Variants in SDHAF3 observed in about 807,000 individuals in gnomAD.
The protein encoded by SDHAF3 is succinate dehydrogenase complex assembly factor 3.
In SDHAF3, 18 loss-of-function variants were observed where a neutral mutation model predicts 11.5. The observed-to-expected ratio is 1.56, with a 90% confidence interval of 1.08 to 2.32. SDHAF3 has a LOEUF of 2.32. Among genes scored for constraint, SDHAF3 ranks in the 30% most tolerant of loss-of-function variants. SDHAF3 has a pLI of 0.00. For synonymous variants in SDHAF3, 72 were observed against 59.3 expected (o/e 1.21, Z -0.99); for missense variants, 200 against 154.4 (o/e 1.30, Z -1.57).
chr7:97,136,732 A>T (rs551505915), intron 1 of SDHAF3, among the ~76,000 whole-genome samples: 1 of 152,302 alleles, frequency 6.6e-6, no homozygotes, highest in East Asian at 1.9e-4. Flanking sequence ...GTCTGTAGTT[A>T]AAAAAGTAGA....
intron 1 of SDHAF3, among the ~76,000 whole-genome samples, chr7:97,120,827 C>A (rs1791480159): frequency 6.6e-6 from 1 of 152,118 alleles, no homozygotes; most frequent in Non-Finnish European, 1.5e-5. Context: ...ATCAAGAACA[C>A]TAGAGGCCCC....
intron 1 of SDHAF3, among the ~76,000 whole-genome samples, chr7:97,174,006 G>C (rs113918352): frequency 6.6e-6 from 1 of 151,242 alleles, no homozygotes; most frequent in South Asian, 2.1e-4. Flanking sequence ...TGCAACCTCC[G>C]ACTCCTGGTT....
At chr7:97,143,778 G>A (rs1378316631) in intron 1 of SDHAF3, among the ~76,000 whole-genome samples, 1 of 151,858 alleles carries the variant, frequency 6.6e-6, no homozygotes. Flanking sequence ...GAATTGTGCT[G>A]CTATAAACAT....
intron 1 of SDHAF3, among the ~76,000 whole-genome samples, chr7:97,172,181 T>A (rs1789610392): frequency 6.6e-6 from 1 of 152,212 alleles, no homozygotes; most frequent in South Asian, 2.1e-4. Context: ...CATATTCAAA[T>A]AGCATATATC....
At position 97,158,979 on chromosome 7, in the gene SDHAF3, A is replaced by G. The variant is rs151172746; in HGVS notation, c.175-22033A>G. Among the ~76,000 whole-genome samples the G allele has an allele frequency of 1.2e-3, 190 of 152,332 alleles. 1 individual carries two copies. The highest frequency in any genetic ancestry group is 3.2e-3 in the Admixed American group (49 of 15,300). On this transcript the variant is annotated intron_variant, in intron 1 of 1. Transcript: ENST00000432641. Reference sequence around the variant, plus strand: ...TTTTCTGTTTACTGTTAGCAATTCAATGGTATAAGGAAAGTATACTTGCTG... The same window carrying G: ...TTTTCTGTTTACTGTTAGCAATTCAGTGGTATAAGGAAAGTATACTTGCTG...
intron 1 of SDHAF3, among the ~76,000 whole-genome samples, chr7:97,128,883 T>A (rs1332792807): frequency 6.6e-6 from 1 of 152,118 alleles, no homozygotes; most frequent in East Asian, 1.9e-4. Flanking sequence ...ACTTTTTTTT[T>A]CCTTTGAGAT....
At chr7:97,152,775 G>T (rs1789244973) in intron 1 of SDHAF3, among the ~76,000 whole-genome samples, 2 of 152,182 alleles carry the variant, frequency 1.3e-5, no homozygotes. Context: ...TCAGCCTCCT[G>T]AGTAGCTGGG....
At chr7:97,131,666 A>G (rs1791672830) in intron 1 of SDHAF3, among the ~76,000 whole-genome samples, 1 of 152,226 alleles carries the variant, frequency 6.6e-6, no homozygotes, top group South Asian at 2.1e-4. Flanking sequence ...TGGTTAAATT[A>G]TAAAGACAAA....
chr7:97,177,257 C>T (rs1434860538), intron 1 of SDHAF3, among the ~76,000 whole-genome samples: 2 of 151,986 alleles, frequency 1.3e-5, no homozygotes, highest in Non-Finnish European at 2.9e-5. Flanking sequence ...AATCCCAGCA[C>T]TTTGGGAGGC....
intron 1 of SDHAF3, among the ~76,000 whole-genome samples, chr7:97,160,062 C>T (rs1265146021): frequency 2.0e-5 from 3 of 152,028 alleles, no homozygotes; most frequent in Admixed American, 2.0e-4. Context: ...AGCGCCTCTG[C>T]CCGGCTGCCC....
chr7:97,126,845 G>GA (rs553016957), intron 1 of SDHAF3, among the ~76,000 whole-genome samples: 44,656 of 117,352 alleles, frequency 0.38, 7,812 homozygotes, highest in East Asian at 0.5. Context: ...CTGGAGTACC[G>GA]AAAAAAAAAA....
chr7:97,142,580 T>C (rs1789068354), intron 1 of SDHAF3: 1 of 152,194 alleles, frequency 6.6e-6, no homozygotes, highest in South Asian at 2.1e-4. Flanking sequence ...GCTTTTGTCT[T>C]TATAGAACTA....
At chr7:97,170,983 T>C (rs1418541103) in intron 1 of SDHAF3, among the ~76,000 whole-genome samples, 1 of 152,204 alleles carries the variant, frequency 6.6e-6, no homozygotes, top group Non-Finnish European at 1.5e-5. Context: ...CCAAATTTAT[T>C]ATCATTGCCA....
chr7:97,136,698 CTG>C lies in SDHAF3; in HGVS notation c.174+18802_174+18803del, dbSNP rs558780098. Among the ~76,000 whole-genome samples the C allele has an allele frequency of 1.7e-3, 261 of 152,148 alleles. 2 individuals carry two copies. The highest frequency in any genetic ancestry group is 1.7e-3 in the Non-Finnish European group (116 of 67,980). On this transcript the variant is annotated intron_variant, in intron 1 of 1. Transcript: ENST00000432641. The stretch of plus-strand genomic sequence containing the variant: ...TCTCTTTTAAAAGCATAACTGGAAT[CTG>C]AAATTATTTTGCTTTAGCTTAGTCT...
At chr7:97,132,212 A>G (rs1220573101) in intron 1 of SDHAF3, among the ~76,000 whole-genome samples, 1 of 152,198 alleles carries the variant, frequency 6.6e-6, no homozygotes, top group Non-Finnish European at 1.5e-5. Flanking sequence ...AGCGCCTTAT[A>G]TATACATTTC....
At chr7:97,162,748 TGA>T (rs1161211714) in intron 1 of SDHAF3, among the ~76,000 whole-genome samples, 1 of 152,252 alleles carries the variant, frequency 6.6e-6, no homozygotes, top group African/African-American at 2.4e-5. Flanking sequence ...CACTGTGGTC[TGA>T]GAGACTGTTT....
chr7:97,166,463 G>A (rs1789506489), intron 1 of SDHAF3, among the ~76,000 whole-genome samples: 1 of 152,150 alleles, frequency 6.6e-6, no homozygotes, highest in African/African-American at 2.4e-5. Flanking sequence ...AAAAGGGAGT[G>A]TCCGGGTTAA....
At chr7:97,144,555 A>G (rs994876909) in intron 1 of SDHAF3, among the ~76,000 whole-genome samples, 1 of 152,178 alleles carries the variant, frequency 6.6e-6, no homozygotes, top group Admixed American at 6.5e-5. Context: ...TTCTAGCACC[A>G]TTTGTTGAAA....
At chr7:97,143,791 A>G (rs1003622454) in intron 1 of SDHAF3, among the ~76,000 whole-genome samples, 2 of 152,120 alleles carry the variant, frequency 1.3e-5, no homozygotes, top group Non-Finnish European at 2.9e-5. Flanking sequence ...ATAAACATGC[A>G]TGTGCAAGTA....
Sources: gnomAD v4.1 joint callset for allele counts (sites outside exome capture counted in the v4.1 genomes callset) on GRCh38, gnomAD v4.1.1 for gene constraint, MANE v1.5 for transcripts, NCBI Gene and HGNC (gene_info 2026-07-23, HGNC 2026-07-21) for gene names.